The following GARS1 variants were observed in gnomAD, a reference collection of about 807,000 sequenced individuals.
GARS1 encodes the protein glycine--tRNA ligase.
In GARS1, 46 loss-of-function variants were observed where a neutral mutation model predicts 86.4. That is an observed-to-expected ratio of 0.53 (90% confidence interval 0.42 to 0.68). GARS1 has a LOEUF of 0.68. Ranked by LOEUF, GARS1 falls within the 30% of genes least tolerant of loss-of-function variation. GARS1 has a pLI of 0.00. For synonymous variants in GARS1, 342 were observed against 329.8 expected (o/e 1.04, Z -0.40); for missense variants, 797 against 915.6 (o/e 0.87, Z 1.67).
At position 30,612,123 on chromosome 7, in the gene GARS1, G is replaced by T; in HGVS notation, c.909G>T (p.Gly303=). 1.2e-6 allele frequency: 2 copies of T among 1,613,972 alleles called. No homozygotes were observed. The highest frequency in any genetic ancestry group is 1.7e-6 in the Non-Finnish European group (2 of 1,179,902). The change falls in exon 8 of 17, where the codon GGG becomes GGT. Residue 303 remains glycine, a synonymous_variant. Transcript: ENST00000389266. ...PGYLRPETAQ[G]IFLNFKRLLE... ...ACTTGAGACCAGAAACTGCACAGGG[G>T]ATTTTCTTGAATTTCAAACGACTTT...
At position 30,598,831 on chromosome 7, in the gene GARS1, A is replaced by G. The variant is rs984100715; in HGVS notation, c.258A>G (p.Ala86=). 3.7e-6 allele frequency: 6 copies of G among 1,614,140 alleles called. No homozygotes were observed. The highest frequency in any genetic ancestry group is 1.1e-5 in the South Asian group (1 of 91,076). Residue 86 remains alanine (A), a synonymous_variant, in exon 2 of 17, where the codon GCA becomes GCG. Transcript: ENST00000389266. ...TGCGAAAACTCAAAGAAGATAAAGC[A>G]CCCCAAGTAGACGTAGACAAAGCAG... ...DLVRKLKEDK[A]PQVDVDKAVA...
chr7:30,620,128 CAA>C (rs34149226), intron 10 of GARS1, among the ~76,000 whole-genome samples: 19 of 147,996 alleles, frequency 1.3e-4, no homozygotes, highest in Non-Finnish European at 1.6e-4. Context: ...GGATCAAGGG[CAA>C]AAAAAAAAAA....
In GARS1 at chr7:30,595,026, C is replaced by T; in HGVS notation, c.105C>T (p.Ser35=). 1 of 1,576,922 alleles carries T rather than the reference C, an allele frequency of 6.3e-7. No individual in the cohort carries two copies. The highest frequency in any genetic ancestry group is 8.6e-7 in the Non-Finnish European group (1 of 1,168,940). The change falls in exon 1 of 17, where the codon TCC becomes TCT. Residue 35 remains serine (S), a synonymous_variant. Coordinates refer to ENST00000389266, the MANE Select transcript of GARS1 (RefSeq NM_002047.4). The part of the protein sequence containing the change: ...LARPSLLLRR[S]LSAASCPPIS... ...GACCCTCGCTCCTGCTCCGCCGGTCCCTCAGCGCGGCCTCCTGCCCCCCGA... is the reference window on the plus strand; with the variant it reads ...GACCCTCGCTCCTGCTCCGCCGGTCTCTCAGCGCGGCCTCCTGCCCCCCGA...
rs763120925 is a variant in GARS1 at position 30,609,737 on chromosome 7, A to G, written c.881+7A>G. 2.5e-6 allele frequency: 4 copies of G among 1,612,548 alleles called. No homozygotes were observed. The South Asian group carries it at 3.3e-5, about 13-fold the overall frequency. On this transcript the variant is annotated splice_region_variant and intron_variant, in intron 7 of 16. Coordinates refer to ENST00000389266, the MANE Select transcript of GARS1 (RefSeq NM_002047.4). ...CTGGAGGAAACATGCCTGGGTATGT[A>G]TCACTTATTGTTTACCTGTTTATGT...
rs1783140907 is a variant in GARS1 at position 30,626,924 on chromosome 7, T to C, written c.1699+605T>C. ...TGAACCCGGGAGGTGGAGGTTGGAG[T>C]GAGCCGAGATCACGCCATTGCACTC... On this transcript the variant is annotated intron_variant, in intron 13 of 16. Coordinates refer to ENST00000389266, the MANE Select transcript of GARS1 (RefSeq NM_002047.4). 1.2e-5 allele frequency: 4 copies of C among 329,056 alleles called. No homozygotes were observed. The East Asian group carries it at 2.8e-4, about 23-fold the overall frequency. 20.4% of individuals were successfully genotyped at this position (329,056 alleles called of 1,614,324 possible).
In GARS1 at chr7:30,622,471, T is replaced by A. The variant is rs75855065; in HGVS notation, c.1613+9T>A. 1 of 1,613,928 alleles carries A rather than the reference T, an allele frequency of 6.2e-7. No individual in the cohort carries two copies. The highest frequency in any genetic ancestry group is 8.5e-7 in the Non-Finnish European group (1 of 1,179,902). ...CTGCTGAATGAGAAAGGGTAAGATATCAGATGTTTACTCTTCCATGGGCTC... is the reference window on the plus strand; with the variant it reads ...CTGCTGAATGAGAAAGGGTAAGATAACAGATGTTTACTCTTCCATGGGCTC... On this transcript the variant is annotated intron_variant, in intron 12 of 16. Transcript: ENST00000389266.
At chr7:30,606,080 C>T (rs1246471398) in intron 6 of GARS1, among the ~76,000 whole-genome samples, 2 of 151,940 alleles carry the variant, frequency 1.3e-5, no homozygotes, top group Non-Finnish European at 2.9e-5. Context: ...TGGCTAATTA[C>T]GTTATTGTAG....
intron 11 of GARS1, 127 bp downstream of exon 11, chr7:30,621,627 T>G (rs550898658): frequency 1.1e-4 from 89 of 776,974 alleles, no homozygotes; most frequent in Non-Finnish European, 1.8e-4. Flanking sequence ...TAACGCTTGT[T>G]TAAACCTATT....
intron 9 of GARS1, among the ~76,000 whole-genome samples, chr7:30,616,691 A>G (rs1337746354): frequency 1.3e-5 from 2 of 152,192 alleles, no homozygotes; most frequent in Non-Finnish European, 2.9e-5. Context: ...GATTACGTGT[A>G]CTCTACGGGG....
chr7:30,619,776 CTTTTTTTTTTT>C (rs61613428), intron 10 of GARS1, among the ~76,000 whole-genome samples: 1 of 124,280 alleles, frequency 8.0e-6, no homozygotes, highest in Non-Finnish European at 1.7e-5. Context: ...TTCTTTTTTT[CTTTTTTTTTTT>C]TTTTTTTTGA....
At chr7:30,627,014 T>C (rs138469999) in intron 13 of GARS1, 4 of 449,018 alleles carry the variant, frequency 8.9e-6, no homozygotes, top group Non-Finnish European at 1.8e-5. Flanking sequence ...AGACCAGTGA[T>C]GTTGCATGCT....
At chr7:30,605,268 C>T (rs1018084499) in intron 6 of GARS1, among the ~76,000 whole-genome samples, 2 of 152,226 alleles carry the variant, frequency 1.3e-5, no homozygotes, top group African/African-American at 2.4e-5. Context: ...ACCTCTACTC[C>T]TATTATGTGG....
chr7:30,608,264 A>G (rs1217752694), intron 6 of GARS1, among the ~76,000 whole-genome samples: 2 of 152,178 alleles, frequency 1.3e-5, no homozygotes, highest in South Asian at 2.1e-4. Flanking sequence ...TCCCTTTCCC[A>G]GGGGTTTTGC....
chr7:30,595,163 T>G lies in GARS1; in HGVS notation c.222+20T>G. The G allele has an allele frequency of 6.5e-7, 1 of 1,532,276 alleles. No homozygotes were observed. Among genetic ancestry groups the G allele is most frequent in the Non-Finnish European group, 8.8e-7 (1 of 1,142,708 alleles). 94.9% of individuals were successfully genotyped at this position (1,532,276 alleles called of 1,614,324 possible). On this transcript the variant is annotated intron_variant, in intron 1 of 16. Transcript: ENST00000389266. ...CAGCAGGTACCGGTGTTTTGCGCTC[T>G]CCGCTAAGCCTCCGGCTCTCCTCCC...
intron 5 of GARS1, 124 bp downstream of exon 5, chr7:30,603,246 T>C: frequency 2.5e-6 from 2 of 813,332 alleles, no homozygotes; most frequent in Non-Finnish European, 4.1e-6. Flanking sequence ...GCACAGATCT[T>C]AAGTATATAG....
At chr7:30,616,375 T>C (rs1243293954) in intron 9 of GARS1, among the ~76,000 whole-genome samples, 1 of 152,214 alleles carries the variant, frequency 6.6e-6, no homozygotes, top group African/African-American at 2.4e-5. Flanking sequence ...GAGACAGCAT[T>C]GGACCCACAG....
intron 15 of GARS1, chr7:30,631,903 G>A (rs1783241893): frequency 5.1e-6 from 2 of 392,054 alleles, no homozygotes; most frequent in Non-Finnish European, 9.6e-6. Context: ...GTGGTCATCT[G>A]GCACATCCAC....
At chr7:30,616,406 C>G (rs1782890706) in intron 9 of GARS1, among the ~76,000 whole-genome samples, 2 of 152,204 alleles carry the variant, frequency 1.3e-5, no homozygotes, top group African/African-American at 2.4e-5. Flanking sequence ...ATCTGGGTTT[C>G]AGACTCTTCT....
chr7:30,605,295 C>G (rs1466422337), intron 6 of GARS1, among the ~76,000 whole-genome samples: 1 of 152,204 alleles, frequency 6.6e-6, no homozygotes, highest in Non-Finnish European at 1.5e-5. Flanking sequence ...CAGCTCAGAA[C>G]GAATTCTTTT....
Sources: allele counts gnomAD v4.1 joint callset (sites outside exome capture counted in the v4.1 genomes callset), GRCh38; gene constraint gnomAD v4.1.1; transcripts MANE v1.5; gene names NCBI Gene and HGNC (gene_info 2026-07-23, HGNC 2026-07-21).